Variants in VDAC1 observed in about 807,000 individuals in gnomAD.
The protein encoded by VDAC1 is non-selective voltage-gated ion channel VDAC1.
VDAC1 carries 10 observed loss-of-function variants against 34.7 expected under a neutral mutation model. That is an observed-to-expected ratio of 0.29 (90% CI 0.18 to 0.49). VDAC1 has a LOEUF of 0.49. Among genes scored for constraint, VDAC1 ranks in the 20% least tolerant of loss-of-function variants. VDAC1 has a pLI of 0.99. For synonymous variants in VDAC1, 130 were observed against 136.0 expected (o/e 0.96, Z 0.30); for missense variants, 230 against 347.9 (o/e 0.66, Z 2.69).
At chr5:134,097,646 C>T in the VDAC1 span, among the ~76,000 whole-genome samples, 3 of 152,168 alleles carry the variant, frequency 2.0e-5, no homozygotes, top group Non-Finnish European at 4.4e-5. Context: ...GCAGCCCTCA[C>T]CCACGGTGGA....
chr5:133,983,984 T>C (rs1340179924), intron 5 of VDAC1, among the ~76,000 whole-genome samples: 1 of 152,198 alleles, frequency 6.6e-6, no homozygotes, highest in Non-Finnish European at 1.5e-5. Context: ...CAGATGCCTG[T>C]GCTCTGCTTG....
chr5:134,035,528 T>C, the VDAC1 span, among the ~76,000 whole-genome samples: 4 of 152,128 alleles, frequency 2.6e-5, no homozygotes, highest in Admixed American at 2.6e-4. Flanking sequence ...GATTACAGGC[T>C]TAAGCCAACA....
the VDAC1 span, among the ~76,000 whole-genome samples, chr5:134,106,047 G>C: frequency 6.6e-6 from 1 of 152,320 alleles, no homozygotes; most frequent in East Asian, 1.9e-4. Flanking sequence ...CTTCACCTCT[G>C]TAGAGAGGCT....
At chr5:134,004,734 G>A (rs1271060697) in intron 1 of VDAC1, 161 bp downstream of exon 1, 2 of 150,678 alleles carry the variant, frequency 1.3e-5, no homozygotes, top group Non-Finnish European at 3.0e-5. Context: ...GCGGAGCCGA[G>A]CGAGCGGCTG....
chr5:134,010,055 A>C, the VDAC1 span, among the ~76,000 whole-genome samples: 33 of 152,352 alleles, frequency 2.2e-4, no homozygotes, highest in Admixed American at 1.8e-3. Context: ...TAAGAAAGTC[A>C]TATGAGGTTC....
the VDAC1 span, among the ~76,000 whole-genome samples, chr5:134,067,736 A>G: frequency 4.0e-5 from 6 of 151,238 alleles, no homozygotes; most frequent in African/African-American, 1.5e-4. Flanking sequence ...AGGAGACAGA[A>G]ATTACTCTTG....
Position 133,972,671 on chromosome 5 carries a change from A to G in VDAC1, c.*100T>C. 1.0e-6 allele frequency: 1 copy of G among 963,890 alleles called. No individual in the cohort carries two copies. Among genetic ancestry groups the G allele is most frequent in the Non-Finnish European group, 1.6e-6 (1 of 636,188 alleles). The allele number at this position is 963,890 out of a possible 1,614,324, so 59.7% of individuals were successfully genotyped here. On this transcript the variant is annotated 3_prime_UTR_variant, in exon 9 of 9. Transcript: ENST00000265333. ...ACCTGGAGGGCTAACATATTTAGCA[A>G]TACTTGCATCCCAGACATACAACAT...
chr5:133,996,025 C>A (rs1021744517), intron 1 of VDAC1, among the ~76,000 whole-genome samples: 49 of 152,192 alleles, frequency 3.2e-4, no homozygotes, highest in African/African-American at 1.1e-3. Flanking sequence ...CCCCAGGGGC[C>A]TTCACAAGCT....
intron 6 of VDAC1, among the ~76,000 whole-genome samples, chr5:133,977,304 C>A (rs867695135): frequency 3.9e-5 from 6 of 152,358 alleles, no homozygotes; most frequent in African/African-American, 1.4e-4. Context: ...GCTGCAACAT[C>A]TAAGCCTGGC....
At chr5:134,074,164 T>C in the VDAC1 span, among the ~76,000 whole-genome samples, 1 of 151,624 alleles carries the variant, frequency 6.6e-6, no homozygotes, top group South Asian at 2.1e-4. Flanking sequence ...TGCAAAAAAT[T>C]ACTTGGGCGT....
the VDAC1 span, among the ~76,000 whole-genome samples, chr5:134,040,537 T>C: frequency 6.6e-6 from 1 of 150,542 alleles, no homozygotes; most frequent in Non-Finnish European, 1.5e-5. Context: ...ACCACGCCAT[T>C]GCACTCCAGC....
chr5:134,114,390 C>T, the VDAC1 span, among the ~76,000 whole-genome samples: 5 of 152,128 alleles, frequency 3.3e-5, no homozygotes, highest in African/African-American at 1.2e-4. Flanking sequence ...CTAGGGGACC[C>T]CCGCCCTCCA....
At chr5:133,993,128 T>C (rs1753168408) in intron 1 of VDAC1, 110 bp from the exon 2 acceptor site, 6 of 1,134,686 alleles carry the variant, frequency 5.3e-6, no homozygotes, top group Non-Finnish European at 6.2e-6. Flanking sequence ...CACCTAGCAC[T>C]AAGACTACCA....
the VDAC1 span, among the ~76,000 whole-genome samples, chr5:134,113,601 C>G: frequency 6.6e-6 from 1 of 152,258 alleles, no homozygotes; most frequent in African/African-American, 2.4e-5. Context: ...AGCACAGAAA[C>G]CTGCTAGGGG....
chr5:134,102,189 C>T, the VDAC1 span, among the ~76,000 whole-genome samples: 346 of 152,190 alleles, frequency 2.3e-3, no homozygotes, highest in Non-Finnish European at 3.4e-3. Flanking sequence ...GAGCAGCCCC[C>T]GCCGCTCTGG....
chr5:134,010,976 T>C, the VDAC1 span, among the ~76,000 whole-genome samples: 1 of 151,874 alleles, frequency 6.6e-6, no homozygotes. Context: ...TCCCTTTTTT[T>C]TTTTTTGTAG....
At chr5:134,064,881 G>A in the VDAC1 span, among the ~76,000 whole-genome samples, 1 of 151,734 alleles carries the variant, frequency 6.6e-6, no homozygotes, top group Admixed American at 6.6e-5. Context: ...ACCATGCCCA[G>A]CTATTTTTTT....
intron 5 of VDAC1, among the ~76,000 whole-genome samples, chr5:133,986,342 C>T (rs1008099891): frequency 1.3e-5 from 2 of 152,156 alleles, no homozygotes; most frequent in Non-Finnish European, 2.9e-5. Flanking sequence ...TGATGCACCA[C>T]CAGAACTTTC....
the VDAC1 span, among the ~76,000 whole-genome samples, chr5:134,015,952 G>T: frequency 6.6e-6 from 1 of 152,028 alleles, no homozygotes; most frequent in East Asian, 1.9e-4. Context: ...CTACACCCAG[G>T]CAATTTTTGT....
Sources: gnomAD v4.1 joint callset for allele counts (sites outside exome capture counted in the v4.1 genomes callset) on GRCh38, gnomAD v4.1.1 for gene constraint, MANE v1.5 for transcripts, NCBI Gene and HGNC (gene_info 2026-07-23, HGNC 2026-07-21) for gene names.